Variants in ABCG2 observed in about 807,000 individuals in gnomAD.
ABCG2 encodes the protein broad substrate specificity ATP-binding cassette transporter ABCG2.
ABCG2 carries 80 observed loss-of-function variants against 73.5 expected under a neutral mutation model. The ratio of observed to expected loss-of-function variants is 1.09; its 90% CI spans 0.91 to 1.31. The LOEUF is 1.31. ABCG2 is among the 50% of genes most tolerant of loss of function. The pLI, the probability that ABCG2 is intolerant of heterozygous loss-of-function variation, is 0.00. For missense variants in ABCG2, 796 were observed against 786.2 expected (o/e 1.01, Z -0.15); for synonymous variants, 269 against 282.4 (o/e 0.95, Z 0.48).
upstream of ABCG2, chr4:88,163,779 GT>G (rs773818284): frequency 1.6e-5 from 6 of 381,330 alleles, no homozygotes; most frequent in East Asian, 4.8e-4. Flanking sequence ...TTAATACCAG[GT>G]TCAACAAAGC....
chr4:88,191,342 T>C (rs1370581551), intron 1 of ABCG2, among the ~76,000 whole-genome samples: 1 of 150,016 alleles, frequency 6.7e-6, no homozygotes, highest in African/African-American at 2.4e-5. Flanking sequence ...GGCCAACAAG[T>C]ACATGAAAAG....
At chr4:88,152,534 C>T (rs142144570) in intron 1 of ABCG2, among the ~76,000 whole-genome samples, 136 of 151,954 alleles carry the variant, frequency 9.0e-4, no homozygotes, top group African/African-American at 2.7e-3. Flanking sequence ...GGGTGCTCAG[C>T]GGGGGAGCTT....
rs374587625 is a variant in ABCG2 at position 88,118,283 on chromosome 4, C to A, written c.690-23G>T. 6 of 1,609,774 alleles carry A rather than the reference C, an allele frequency of 3.7e-6. No individual in the cohort carries two copies. The African/African-American group carries it at 6.7e-5, about 18-fold the overall frequency. On this transcript the variant is annotated intron_variant, in intron 6 of 15. Transcript: ENST00000237612. ...ATCCTAAGTTAAAAGTGAGACAATA[C>A]TAAGTCATTAAATATCTGAAACTTG...
chr4:88,226,235 TCCC>T (rs1730206509), intron 1 of ABCG2, among the ~76,000 whole-genome samples: 4 of 152,248 alleles, frequency 2.6e-5, no homozygotes. Flanking sequence ...TGATTGCACT[TCCC>T]AGCTTGAAGC....
rs551584294 is a variant in ABCG2, at chr4:88,175,064, A to G, written c.-19-35050T>C. Among the ~76,000 whole-genome samples the G allele has an allele frequency of 1.1e-4, 17 of 152,352 alleles. No individual in the cohort carries two copies. The South Asian group carries it at 1.2e-3, about 11-fold the overall frequency. ...GAAATTCGGAAACACAAAGAGACAC[A>G]GTGAGAAAATAAATTTCTGTTGTTT... is the stretch of plus-strand genomic sequence containing the variant. On this transcript the variant is annotated intron_variant, in intron 1 of 15. Transcript: ENST00000515655.
At chr4:88,213,982 CTTTTTTTTTTTTT>C (rs33984842) in intron 1 of ABCG2, among the ~76,000 whole-genome samples, 2 of 59,622 alleles carry the variant, frequency 3.4e-5, no homozygotes, top group African/African-American at 6.6e-5. Flanking sequence ...CACGCCCGGC[CTTTTTTTTTTTTT>C]TTTTTTTTTT....
intron 1 of ABCG2, among the ~76,000 whole-genome samples, chr4:88,224,866 G>C (rs188765095): frequency 1.3e-5 from 2 of 152,150 alleles, no homozygotes; most frequent in African/African-American, 2.4e-5. Context: ...TTTTGTATAG[G>C]GTGTAAGGTA....
In ABCG2 at chr4:88,132,582, T is replaced by A; in HGVS notation, c.257A>T (p.Lys86Ile). The A allele has an allele frequency of 6.2e-7, 1 of 1,614,164 alleles. No individual in the cohort carries two copies. The highest frequency in any genetic ancestry group is 8.5e-7 in the Non-Finnish European group (1 of 1,180,012). The change falls in exon 3 of 16, where the codon AAA (lysine) becomes ATA (isoleucine). Residue 86 changes from lysine to isoleucine, a missense_variant. Coordinates refer to ENST00000237612, the MANE Select transcript of ABCG2 (RefSeq NM_004827.3). ...NAILGPTGGG[K>I]SSLLDVLAAR... Reference sequence around the variant, plus strand: ...TATACTCTCTTATACTCACGAAGATTTGCCTCCACCTGTGGGTCCCAGGAT... The same window carrying A: ...TATACTCTCTTATACTCACGAAGATATGCCTCCACCTGTGGGTCCCAGGAT...
In ABCG2 at chr4:88,211,383, A is replaced by T. The variant is rs1345598464; in HGVS notation, c.-20+19611T>A. ...GCCCCACCCCCCCCCACTTTTGGAG[A>T]CCCCAGTGTCTGTTATTTCCATCAT... On this transcript the variant is annotated intron_variant, in intron 1 of 15. Coordinates refer to the ABCG2 transcript ENST00000515655. 4.6e-5 allele frequency among the ~76,000 whole-genome samples: 4 copies of T among 86,908 alleles called. No individual in the cohort carries two copies. The Admixed American group carries it at 4.8e-4, about 10-fold the overall frequency. 57.0% of individuals were successfully genotyped at this position (86,908 alleles called of 152,430 possible).
intron 1 of ABCG2, among the ~76,000 whole-genome samples, chr4:88,140,223 A>G (rs1261799132): frequency 2.0e-5 from 3 of 152,250 alleles, no homozygotes; most frequent in Admixed American, 6.5e-5. Flanking sequence ...AACTCCAATT[A>G]GATGTCAAAT....
chr4:88,164,867 T>C (rs1174930980), intron 1 of ABCG2, among the ~76,000 whole-genome samples: 2 of 152,130 alleles, frequency 1.3e-5, no homozygotes, highest in African/African-American at 2.4e-5. Flanking sequence ...AACCTCCACC[T>C]CCTGGGTTCA....
intron 3 of ABCG2, 38 bp downstream of exon 3, chr4:88,132,538 T>C: frequency 6.2e-7 from 1 of 1,610,034 alleles, no homozygotes; most frequent in East Asian, 2.2e-5. Flanking sequence ...ACATTAAAAG[T>C]GCACAGAAAA....
chr4:88,092,445 A>T, intron 15 of ABCG2, 64 bp from the exon 16 acceptor site: 1 of 1,540,960 alleles, frequency 6.5e-7, no homozygotes, highest in Non-Finnish European at 8.8e-7. Flanking sequence ...TACTCAGTAT[A>T]TCCACTGTTC....
intron 1 of ABCG2, among the ~76,000 whole-genome samples, chr4:88,175,275 T>G (rs7682521): frequency 0.24 from 36,147 of 152,114 alleles, 5,683 homozygotes; most frequent in African/African-American, 0.45. Flanking sequence ...AGTCCAATCA[T>G]TTGACAAGAG....
intron 1 of ABCG2, among the ~76,000 whole-genome samples, chr4:88,153,148 G>C (rs1726646933): frequency 1.3e-5 from 2 of 152,188 alleles, no homozygotes; most frequent in South Asian, 2.1e-4. Context: ...AGAGTTGAGA[G>C]TGGCGGTTTG....
chr4:88,221,371 G>A (rs1316720480), intron 1 of ABCG2, among the ~76,000 whole-genome samples: 2 of 152,166 alleles, frequency 1.3e-5, no homozygotes, highest in African/African-American at 4.8e-5. Flanking sequence ...CGCAGAGAGT[G>A]GGTTGCTGCT....
At chr4:88,109,225 C>T (rs1560666413) in intron 9 of ABCG2, among the ~76,000 whole-genome samples, 1 of 152,060 alleles carries the variant, frequency 6.6e-6, no homozygotes, top group Non-Finnish European at 1.5e-5. Flanking sequence ...GTCTCGAACT[C>T]CTGACCTCAT....
upstream of ABCG2, among the ~76,000 whole-genome samples, chr4:88,163,182 G>A (rs948664674): frequency 3.3e-5 from 5 of 152,182 alleles, no homozygotes; most frequent in African/African-American, 1.2e-4. Flanking sequence ...TATGTGCACA[G>A]TATTCCCCCA....
At chr4:88,174,154 T>C (rs993078474) in intron 1 of ABCG2, among the ~76,000 whole-genome samples, 110 of 152,250 alleles carry the variant, frequency 7.2e-4, no homozygotes, top group African/African-American at 2.5e-3. Context: ...TGGTGTTTTT[T>C]TTTTTTCTTT....
Sources: allele counts gnomAD v4.1 joint callset (sites outside exome capture counted in the v4.1 genomes callset), GRCh38; gene constraint gnomAD v4.1.1; transcripts MANE v1.5; gene names NCBI Gene and HGNC (gene_info 2026-07-23, HGNC 2026-07-21).